Variants in MYO7A observed in about 807,000 individuals in gnomAD.
The protein encoded by MYO7A is unconventional myosin-VIIa.
MYO7A carries 210 observed loss-of-function variants against 263.8 expected under a neutral mutation model. That is an observed-to-expected ratio of 0.80 (90% confidence interval 0.71 to 0.89). MYO7A has a LOEUF of 0.89. MYO7A is among the 40% of genes least tolerant of loss of function. The pLI is 0.00. For synonymous variants in MYO7A, 1,239 were observed against 1,197.3 expected (o/e 1.03, Z -0.72); for missense variants, 2,820 against 2,968.3 (o/e 0.95, Z 1.16).
chr11:77,129,992 C>T (rs61899969), intron 1 of MYO7A, among the ~76,000 whole-genome samples: 2,251 of 152,250 alleles, frequency 0.015, 29 homozygotes, highest in South Asian at 0.027. Flanking sequence ...GGCCCAGGCC[C>T]AGGTGCGGTG....
rs374655803 is a variant in MYO7A at position 77,201,600 on chromosome 11, G to A, written c.5005G>A (p.Val1669Ile). The A allele has an allele frequency of 9.5e-5, 154 of 1,613,856 alleles. 1 individual carries two copies. In the East Asian group the frequency reaches 2.0e-3, roughly 21 times the overall value. The change falls in exon 36 of 49, where the codon GTC becomes ATC. Residue 1669 changes from valine (V) to isoleucine (I), a missense_variant. Val to Ile is a conservative substitution (Grantham distance 29, BLOSUM62 3). Transcript: ENST00000409709. ...GGACTTCCCCACCGACAGTGTGTAC[G>A]TCATGCCCACTGTCACCATGCCACC... ...RGDFPTDSVY[V>I]MPTVTMPPRE...
chr11:77,192,887 A>AGGTAGTGATGGTGTTGGTGATGGTGGAG (rs1565441640), intron 31 of MYO7A, among the ~76,000 whole-genome samples: 2 of 118,344 alleles, frequency 1.7e-5, no homozygotes, highest in East Asian at 2.6e-4. Flanking sequence ...ATGGTGGAGG[A>AGGTAGTGATGGTGTTGGTGATGGTGGAG]GGTAGTGATG....
intron 2 of MYO7A, among the ~76,000 whole-genome samples, chr11:77,133,111 G>A (rs530969680): frequency 3.9e-5 from 6 of 152,278 alleles, no homozygotes; most frequent in East Asian, 1.9e-4. Flanking sequence ...CAGGGGGCAC[G>A]GGGATGAGAG....
chr11:77,135,233 C>G (rs1315810851), intron 2 of MYO7A, among the ~76,000 whole-genome samples: 2 of 152,220 alleles, frequency 1.3e-5, no homozygotes, highest in Non-Finnish European at 2.9e-5. Context: ...TCCCCTCTCC[C>G]CACCACCCTT....
At chr11:77,186,861 A>G (rs1242208920) in intron 27 of MYO7A, among the ~76,000 whole-genome samples, 1 of 152,350 alleles carries the variant, frequency 6.6e-6, no homozygotes, top group Admixed American at 6.5e-5. Flanking sequence ...CTTTTGGTCT[A>G]TCTCGGCTTT....
Position 77,189,443 on chromosome 11 carries a change from T to A in MYO7A, c.3603T>A (p.Cys1201Ter). The change falls in exon 28 of 49, where the codon TGT (cysteine) becomes TGA (stop). Residue 1201 changes from cysteine to a stop codon, truncating the protein, a stop_gained. Coordinates refer to ENST00000409709, the MANE Select transcript of MYO7A (RefSeq NM_000260.4). LOFTEE classifies it high-confidence loss of function. Reference sequence around the variant, plus strand: ...TTCTCGTGTCTCTCTGCGTGGGCTGTTTCGCCCCCTCCGAGAAGTTTGTCA... The same window carrying A: ...TTCTCGTGTCTCTCTGCGTGGGCTGATTCGCCCCCTCCGAGAAGTTTGTCA... ...GWILVSLCVG[C>*]FAPSEKFVKY... is the part of the protein sequence containing the mutation. 1 of 1,613,838 alleles carries A rather than the reference T, an allele frequency of 6.2e-7. No homozygotes were observed. Among genetic ancestry groups the A allele is most frequent in the Non-Finnish European group, 8.5e-7 (1 of 1,179,856 alleles).
chr11:77,164,814 C>A (rs1555071488), intron 14 of MYO7A, among the ~76,000 whole-genome samples: 1 of 152,162 alleles, frequency 6.6e-6, no homozygotes, highest in South Asian at 2.1e-4. Context: ...CTGGAGGGAA[C>A]ATAAGGGTCA....
intron 32 of MYO7A, among the ~76,000 whole-genome samples, chr11:77,196,752 C>T (rs553122139): frequency 8.6e-5 from 13 of 152,030 alleles, no homozygotes; most frequent in South Asian, 2.1e-4. Context: ...GAGATGGGGC[C>T]GTCTGTGAGC....
At chr11:77,144,023 G>A (rs1951390405) in intron 3 of MYO7A, among the ~76,000 whole-genome samples, 1 of 152,144 alleles carries the variant, frequency 6.6e-6, no homozygotes, top group Non-Finnish European at 1.5e-5. Context: ...GTCATCCCAT[G>A]AGGAAACTGA....
intron 4 of MYO7A, among the ~76,000 whole-genome samples, chr11:77,151,323 C>CA (rs1279734148): frequency 6.6e-6 from 1 of 152,248 alleles, no homozygotes; most frequent in Non-Finnish European, 1.5e-5. Context: ...CCCTTGGGGA[C>CA]ATCCCTATCC....
Position 77,179,026 on chromosome 11 carries a change from G to A in MYO7A, c.2283-19G>A, listed in dbSNP as rs374793484. ...CTGCCTCTGGACACTGCTCACCCGC[G>A]CCACTACTGCTGTTTCAGGTCTAAC... On this transcript the variant is annotated intron_variant, in intron 19 of 48. Coordinates refer to ENST00000409709, the MANE Select transcript of MYO7A (RefSeq NM_000260.4). 113 of 1,584,872 alleles carry A rather than the reference G, an allele frequency of 7.1e-5. 1 individual carries two copies. The East Asian group carries it at 1.2e-3, about 16-fold the overall frequency.
intron 3 of MYO7A, among the ~76,000 whole-genome samples, chr11:77,145,367 C>T (rs1167204477): frequency 6.6e-6 from 1 of 152,224 alleles, no homozygotes; most frequent in African/African-American, 2.4e-5. Context: ...TCCCATTTCA[C>T]AGCTGAGGAC....
Position 77,159,315 on chromosome 11 carries a change from C to T in MYO7A, c.1004-132C>T, listed in dbSNP as rs903801145. 6 of 736,080 alleles carry T rather than the reference C, an allele frequency of 8.2e-6. No homozygotes were observed. The East Asian group carries it at 1.6e-4, about 19-fold the overall frequency. The allele number at this position is 736,080 out of a possible 1,614,324, so 45.6% of individuals were successfully genotyped here. On this transcript the variant is annotated intron_variant, in intron 9 of 48. Transcript: ENST00000409709. ...CTTGACCTGGGGAAGCATTTAGTCA[C>T]AATGCTGATGCCCTCCCTGGACAGG...
intron 35 of MYO7A, 51 bp from the exon 36 acceptor site, chr11:77,201,397 C>T (rs1335444353): frequency 1.9e-6 from 3 of 1,552,632 alleles, no homozygotes; most frequent in Non-Finnish European, 2.6e-6. Flanking sequence ...GGAAGATGTT[C>T]CAACTCAGCC....
At chr11:77,192,367 C>G (rs1277969285) in intron 31 of MYO7A, 89 bp downstream of exon 31, 2 of 1,351,178 alleles carry the variant, frequency 1.5e-6, no homozygotes, top group African/African-American at 1.4e-5. Flanking sequence ...TGTGAGCCAT[C>G]ATTAGCTCAG....
chr11:77,180,893 G>A (rs573758678), intron 22 of MYO7A, among the ~76,000 whole-genome samples: 5 of 152,300 alleles, frequency 3.3e-5, no homozygotes, highest in Admixed American at 2.6e-4. Context: ...TGAAGATTTG[G>A]TGGGGGAAAA....
intron 14 of MYO7A, among the ~76,000 whole-genome samples, chr11:77,163,283 A>G (rs916187704): frequency 2.0e-5 from 3 of 152,086 alleles, no homozygotes; most frequent in Non-Finnish European, 4.4e-5. Flanking sequence ...GCCCCCTGTA[A>G]CCTGTGTTCT....
At position 77,176,140 on chromosome 11, in the gene MYO7A, T is replaced by C. The variant is rs1183722152; in HGVS notation, c.2187+676T>C. ...TCCCGGATGACAGGGCTCCTTCCTC[T>C]GGTGTGGGGGGTGGGGCCTGGGCAC... On this transcript the variant is annotated intron_variant, in intron 18 of 48. Coordinates refer to ENST00000409709, the MANE Select transcript of MYO7A (RefSeq NM_000260.4). Among the ~76,000 whole-genome samples, 3 of 152,160 alleles carry C rather than the reference T, an allele frequency of 2.0e-5. No homozygotes were observed. The East Asian group carries it at 5.8e-4, about 29-fold the overall frequency.
At chr11:77,129,522 C>T (rs1011158806) in intron 1 of MYO7A, among the ~76,000 whole-genome samples, 8 of 152,132 alleles carry the variant, frequency 5.3e-5, no homozygotes, top group South Asian at 2.1e-4. Flanking sequence ...TTCCTGAGGC[C>T]GTCTCTGGGT....
Sources: gnomAD v4.1 joint callset for allele counts (sites outside exome capture counted in the v4.1 genomes callset) on GRCh38, gnomAD v4.1.1 for gene constraint, MANE v1.5 for transcripts, NCBI Gene and HGNC (gene_info 2026-07-23, HGNC 2026-07-21) for gene names.